Variants in ZBTB11 observed in about 807,000 individuals in gnomAD.
ZBTB11 encodes zinc finger and BTB domain containing 11, also known as zinc finger and BTB domain-containing protein 11.
ZBTB11 carries 68 observed loss-of-function variants against 113.1 expected under a neutral mutation model. The observed-to-expected ratio is 0.60, with a 90% confidence interval of 0.49 to 0.74. The LOEUF is 0.74. Ranked by LOEUF, ZBTB11 falls within the 30% of genes least tolerant of loss-of-function variation. The probability of loss-of-function intolerance (pLI) is 0.00; values close to 1 mark genes in which losing one functional copy is unlikely to be tolerated. For missense variants in ZBTB11, 1,104 were observed against 1,279.4 expected (o/e 0.86, Z 2.09); for synonymous variants, 518 against 452.6 (o/e 1.14, Z -1.83).
rs1305297779 is a variant in ZBTB11 at position 101,659,831 on chromosome 3, G to T, written c.1998C>A (p.Leu666=). 1 of 1,614,160 alleles carries T rather than the reference G, an allele frequency of 6.2e-7. No individual in the cohort carries two copies. Among genetic ancestry groups the T allele is most frequent in the Admixed American group, 1.7e-5 (1 of 60,014 alleles). Residue 666 remains leucine (L), a synonymous_variant, in exon 6 of 11, where the codon CTC becomes CTA. Transcript: ENST00000312938. ...CTGTGTGCTTTAACATATGTATTCG[G>T]AGAGAATATAATTTAGGTAATGTTC... is the stretch of plus-strand genomic sequence containing the variant. ...CGRTLPKLYS[L]RIHMLKHTGV...
chr3:101,652,985 A>G (rs1936729678), intron 8 of ZBTB11, 47 bp from the exon 9 acceptor site: 1 of 1,546,238 alleles, frequency 6.5e-7, no homozygotes, highest in Non-Finnish European at 8.7e-7. Flanking sequence ...ATTCCTTTAA[A>G]ACAAGTTTCC....
chr3:101,661,599 G>A (rs923439236), intron 5 of ZBTB11, among the ~76,000 whole-genome samples: 5 of 152,150 alleles, frequency 3.3e-5, no homozygotes, highest in Non-Finnish European at 5.9e-5. Context: ...TTCTGTTGCT[G>A]TTGTTGAAAA....
chr3:101,663,613 G>A (rs895136567), intron 5 of ZBTB11, among the ~76,000 whole-genome samples: 3 of 152,106 alleles, frequency 2.0e-5, no homozygotes, highest in African/African-American at 4.8e-5. Context: ...ACCTTGGGCC[G>A]GGTGTGGTAG....
intron 3 of ZBTB11, among the ~76,000 whole-genome samples, chr3:101,669,783 A>T (rs565779478): frequency 6.6e-6 from 1 of 151,978 alleles, no homozygotes; most frequent in Non-Finnish European, 1.5e-5. Flanking sequence ...CTTTGTATGC[A>T]GTGGATGCTT....
intron 6 of ZBTB11, 149 bp downstream of exon 6, chr3:101,659,634 C>T (rs993681574): frequency 5.3e-6 from 5 of 938,202 alleles, no homozygotes; most frequent in African/African-American, 1.7e-5. Context: ...TAGGGAATCA[C>T]CTTTGATCTA....
Position 101,658,227 on chromosome 3 carries a change from A to T in ZBTB11, c.2046+1556T>A, listed in dbSNP as rs867488317. Among the ~76,000 whole-genome samples the T allele has an allele frequency of 7.2e-3, 1,029 of 143,442 alleles. 10 individuals carry two copies. The highest frequency in any genetic ancestry group is 0.024 in the African/African-American group (932 of 39,046). The allele number at this position is 143,442 out of a possible 152,430, so 94.1% of individuals were successfully genotyped here. A position where few individuals can be genotyped will look rare whatever the true frequency, so the allele number is the denominator to read the frequency against. ...AGACCACTACCTCTTTTAAAAATTA[A>T]TTTTTTTTTTTTTTTTGAGACGGAG... is the stretch of plus-strand genomic sequence containing the variant. On this transcript the variant is annotated intron_variant, in intron 6 of 10. Transcript: ENST00000312938.
At position 101,671,293 on chromosome 3, in the gene ZBTB11, G is replaced by A. The variant is rs764747414; in HGVS notation, c.615C>T (p.Asn205=). 8 of 1,613,966 alleles carry A rather than the reference G, an allele frequency of 5.0e-6. No individual in the cohort carries two copies. The highest frequency in any genetic ancestry group is 2.7e-5 in the African/African-American group (2 of 74,884). The change falls in exon 3 of 11, where the codon AAC becomes AAT. Residue 205 remains asparagine, a synonymous_variant. Transcript: ENST00000312938. ...AGAACTGGTTGGAAAGTCTCTGTTCGTTCAGCTGTTTTAAGACAGCCTGAC... is the reference window on the plus strand; with the variant it reads ...AGAACTGGTTGGAAAGTCTCTGTTCATTCAGCTGTTTTAAGACAGCCTGAC... ...KHCQAVLKQL[N]EQRLSNQFCD...
At chr3:101,665,916 C>G in intron 3 of ZBTB11, 108 bp from the exon 4 acceptor site, 1 of 1,117,598 alleles carries the variant, frequency 8.9e-7, no homozygotes, top group Non-Finnish European at 1.3e-6. Context: ...ACCATTTGTT[C>G]TGCAACTAAT....
At chr3:101,665,898 C>T in intron 3 of ZBTB11, 90 bp from the exon 4 acceptor site, 1 of 1,278,386 alleles carries the variant, frequency 7.8e-7, no homozygotes, top group Non-Finnish European at 1.1e-6. Context: ...AATTCAAAGG[C>T]AAATATGACC....
In ZBTB11 at chr3:101,654,799, T is replaced by C. The variant is rs115707430; in HGVS notation, c.2214A>G (p.Ser738=). 355 of 1,614,172 alleles carry C rather than the reference T, an allele frequency of 2.2e-4. 1 individual carries two copies. The African/African-American group carries it at 4.5e-3, about 20-fold the overall frequency. Residue 738 remains serine, a synonymous_variant, in exon 8 of 11, where the codon TCA becomes TCG. Coordinates refer to ENST00000312938, the MANE Select transcript of ZBTB11 (RefSeq NM_014415.4). The part of the protein sequence containing the change: ...IHTGESKYLC[S]VCGKSFHRGS... ...CCCTATGAAAAGACTTTCCACAAAC[T>C]GAGCAAAGGTACTTGGACTCTCCTA...
intron 7 of ZBTB11, among the ~76,000 whole-genome samples, chr3:101,655,664 CTT>C (rs774936234): frequency 4.2e-5 from 6 of 142,018 alleles, no homozygotes; most frequent in African/African-American, 5.1e-5. Context: ...TGAGAAAACG[CTT>C]TTTTTTTTTT....
In ZBTB11 at chr3:101,671,280, A is replaced by C. The variant is rs1937081557; in HGVS notation, c.628T>G (p.Ser210Ala). Residue 210 changes from serine to alanine, a missense_variant, in exon 3 of 11, where the codon TCC becomes GCC. Transcript: ENST00000312938. Reference protein sequence around the residue: ...VLKQLNEQRLSNQFCDVTLLI... With the variant: ...VLKQLNEQRLANQFCDVTLLI... ...AAAGTAACATCACAGAACTGGTTGG[A>C]AAGTCTCTGTTCGTTCAGCTGTTTT... The C allele has an allele frequency of 6.2e-7, 1 of 1,614,196 alleles. No homozygotes were observed. Among genetic ancestry groups the C allele is most frequent in the Non-Finnish European group, 8.5e-7 (1 of 1,180,032 alleles).
chr3:101,664,744 T>A (rs1350902738), intron 4 of ZBTB11, 30 bp from the exon 5 acceptor site: 2 of 1,549,392 alleles, frequency 1.3e-6, no homozygotes, highest in South Asian at 2.5e-5. Flanking sequence ...ACAATCTAAG[T>A]AAATCTACTC....
At chr3:101,675,773 AG>A (rs1305838111) in intron 1 of ZBTB11, among the ~76,000 whole-genome samples, 1 of 152,180 alleles carries the variant, frequency 6.6e-6, no homozygotes, top group East Asian at 1.9e-4. Flanking sequence ...TCACATCATT[AG>A]GGGAAAGATT....
intron 1 of ZBTB11, among the ~76,000 whole-genome samples, chr3:101,673,371 C>T (rs1576653636): frequency 6.6e-6 from 1 of 152,052 alleles, no homozygotes; most frequent in Admixed American, 6.6e-5. Context: ...CACAAGAGCA[C>T]GCTTGTCCAT....
chr3:101,662,051 C>CA (rs1553778456), intron 5 of ZBTB11: 1 of 144,756 alleles, frequency 6.9e-6, no homozygotes, highest in Non-Finnish European at 1.5e-5. Context: ...TTTTTTTAGA[C>CA]TTTTTTTTTT....
chr3:101,654,432 A>C (rs1200988156), intron 8 of ZBTB11, among the ~76,000 whole-genome samples: 1 of 152,220 alleles, frequency 6.6e-6, no homozygotes, highest in Non-Finnish European at 1.5e-5. Context: ...GGGGGGAAAG[A>C]AACTGGCTGG....
rs761152957 is a variant in ZBTB11 at position 101,652,527 on chromosome 3, T to C, written c.2613A>G (p.Arg871=). Reference sequence around the variant, plus strand: ...GGTTGTTCATGTGTCTCCTATACTCTCTTAGCTGAGTGAATTTTCTTCCAC... The same window carrying C: ...GGTTGTTCATGTGTCTCCTATACTCCCTTAGCTGAGTGAATTTTCTTCCAC... ...EKCGRKFTQL[R]EYRRHMNNHE... Residue 871 remains arginine, a synonymous_variant, in exon 10 of 11, where the codon AGA becomes AGG. Transcript: ENST00000312938. 1.9e-6 allele frequency: 3 copies of C among 1,614,192 alleles called. No homozygotes were observed. The highest frequency in any genetic ancestry group is 2.2e-5 in the South Asian group (2 of 91,084).
chr3:101,664,567 G>A lies in ZBTB11; in HGVS notation c.1771C>T (p.His591Tyr). 1.2e-6 allele frequency: 2 copies of A among 1,606,566 alleles called. No homozygotes were observed. The highest frequency in any genetic ancestry group is 2.7e-5 in the African/African-American group (2 of 74,542). ...RYALIMHKLKHERARDYKCPL... is the reference protein window; with the variant it reads ...RYALIMHKLKYERARDYKCPL... Reference sequence around the variant, plus strand: ...CATTTGTAATCTCTAGCTCTTTCATGTTTCAGTTTGTGCATTATAAGGGCG... The same window carrying A: ...CATTTGTAATCTCTAGCTCTTTCATATTTCAGTTTGTGCATTATAAGGGCG... Residue 591 changes from histidine to tyrosine, a missense_variant, in exon 5 of 11, where the codon CAT becomes TAT. By Grantham distance (83) the His-to-Tyr change is moderately conservative. This residue lies in a region of ZBTB11 where 535 missense variants were observed against 518.6 expected (regional missense o/e 1.03). Coordinates refer to ENST00000312938, the MANE Select transcript of ZBTB11 (RefSeq NM_014415.4).
Sources: allele counts gnomAD v4.1 joint callset (sites outside exome capture counted in the v4.1 genomes callset), GRCh38; gene constraint gnomAD v4.1.1; regional missense constraint gnomAD v4.1.1; transcripts MANE v1.5; gene names NCBI Gene and HGNC (gene_info 2026-07-23, HGNC 2026-07-21).